UBE2E2: variants seen among roughly 807,000 people sequenced by gnomAD.
UBE2E2 encodes the protein ubiquitin-conjugating enzyme E2 E2.
In UBE2E2, 6 loss-of-function variants were observed where a neutral mutation model predicts 24.7. The observed-to-expected ratio is 0.24, with a 90% CI of 0.13 to 0.48. The LOEUF (loss-of-function observed/expected upper bound fraction) is 0.48, where lower values mean the gene tolerates loss of function less well. Among genes scored for constraint, UBE2E2 ranks in the 20% least tolerant of loss-of-function variants. The probability of loss-of-function intolerance (pLI) is 0.99; values close to 1 mark genes in which losing one functional copy is unlikely to be tolerated. For synonymous variants in UBE2E2, 104 were observed against 83.6 expected, an observed-to-expected ratio of 1.24 and a Z score of -1.33; for missense variants, 169 against 245.0, an observed-to-expected ratio of 0.69 and a Z score of 2.07.
chr3:23,451,847 G>GA (rs573846291), intron 3 of UBE2E2, among the ~76,000 whole-genome samples: 2 of 152,088 alleles, frequency 1.3e-5, no homozygotes, highest in East Asian at 3.9e-4. Context: ...GGCCAAGTTT[G>GA]AAAAAAATAG....
chr3:23,468,464 TTAAAA>T (rs756113788), intron 3 of UBE2E2, among the ~76,000 whole-genome samples: 24 of 152,236 alleles, frequency 1.6e-4, no homozygotes, highest in South Asian at 4.1e-4. Context: ...AGCAGTGGTC[TTAAAA>T]TAAAAGCCCA....
intron 3 of UBE2E2, among the ~76,000 whole-genome samples, chr3:23,231,903 T>C (rs1387924668): frequency 6.6e-6 from 1 of 152,218 alleles, no homozygotes; most frequent in Non-Finnish European, 1.5e-5. Context: ...GGAGCTTCTC[T>C]ACCCATGGAA....
chr3:23,539,049 T>A (rs1032683574), intron 5 of UBE2E2, among the ~76,000 whole-genome samples: 6 of 152,182 alleles, frequency 3.9e-5, no homozygotes, highest in Admixed American at 6.5e-5. Context: ...GATCTTGGAT[T>A]CCCTAGTTGT....
At chr3:23,475,816 A>T (rs1699121018) in intron 3 of UBE2E2, among the ~76,000 whole-genome samples, 1 of 152,082 alleles carries the variant, frequency 6.6e-6, no homozygotes, top group South Asian at 2.1e-4. Flanking sequence ...CAGAACAGGC[A>T]AGAATGCTAG....
chr3:23,353,610 A>G (rs924086162), intron 3 of UBE2E2, among the ~76,000 whole-genome samples: 1 of 152,192 alleles, frequency 6.6e-6, no homozygotes, highest in African/African-American at 2.4e-5. Flanking sequence ...ACAGAGAGCC[A>G]AATCATGAGT....
chr3:23,513,631 C>G (rs1297102462), intron 4 of UBE2E2, among the ~76,000 whole-genome samples: 1 of 152,040 alleles, frequency 6.6e-6, no homozygotes. Context: ...TAGATTCTGC[C>G]CAGATTGCCC....
intron 3 of UBE2E2, among the ~76,000 whole-genome samples, chr3:23,316,919 TG>T (rs1239666002): frequency 1.6e-4 from 24 of 152,096 alleles, no homozygotes; most frequent in African/African-American, 5.8e-4. Flanking sequence ...GGGCCTGGAA[TG>T]GGGACCTCAG....
intron 3 of UBE2E2, among the ~76,000 whole-genome samples, chr3:23,391,435 A>C (rs536429831): frequency 4.1e-4 from 62 of 152,310 alleles, no homozygotes; most frequent in African/African-American, 1.1e-3. Flanking sequence ...TTTGTTGGGC[A>C]TCTACTATAT....
At chr3:23,225,722 AG>A (rs1696800847) in intron 3 of UBE2E2, among the ~76,000 whole-genome samples, 1 of 152,162 alleles carries the variant, frequency 6.6e-6, no homozygotes, top group African/African-American at 2.4e-5. Context: ...TAAATCAGAA[AG>A]TGTAAGTATT....
intron 3 of UBE2E2, among the ~76,000 whole-genome samples, chr3:23,488,136 T>C (rs189567263): frequency 1.3e-5 from 2 of 152,178 alleles, no homozygotes; most frequent in Admixed American, 6.5e-5. Flanking sequence ...GAGTGTCTTG[T>C]AGATATTTAA....
chr3:23,222,866 C>G (rs1696694377), intron 3 of UBE2E2, among the ~76,000 whole-genome samples: 1 of 152,168 alleles, frequency 6.6e-6, no homozygotes, highest in South Asian at 2.1e-4. Context: ...TTCTCCGCAT[C>G]CTTGCCAGCA....
chr3:23,345,033 G>C (rs1424580389), intron 3 of UBE2E2, among the ~76,000 whole-genome samples: 5 of 152,108 alleles, frequency 3.3e-5, no homozygotes, highest in African/African-American at 1.2e-4. Context: ...ATGAGATTCT[G>C]AAAGAGGAGG....
chr3:23,306,206 C>T (rs1559341657), intron 3 of UBE2E2, among the ~76,000 whole-genome samples: 1 of 152,140 alleles, frequency 6.6e-6, no homozygotes. Flanking sequence ...GCTTTGTCTG[C>T]CCAAAGCATT....
chr3:23,354,365 A>C (rs1157182793), intron 3 of UBE2E2, among the ~76,000 whole-genome samples: 1 of 152,212 alleles, frequency 6.6e-6, no homozygotes, highest in Non-Finnish European at 1.5e-5. Flanking sequence ...AGCAATGGCA[A>C]CAAAAGCCAA....
intron 3 of UBE2E2, among the ~76,000 whole-genome samples, chr3:23,446,699 GTTTTTT>G (rs57327621): frequency 8.9e-6 from 1 of 112,230 alleles, no homozygotes; most frequent in African/African-American, 3.7e-5. Context: ...CGTCTGTTTG[GTTTTTT>G]TTTTTTTTTT....
At chr3:23,301,088 C>T (rs558842924) in intron 3 of UBE2E2, among the ~76,000 whole-genome samples, 1 of 152,200 alleles carries the variant, frequency 6.6e-6, no homozygotes, top group Non-Finnish European at 1.5e-5. Context: ...GCTCCTGAGT[C>T]TTCTGCATTT....
chr3:23,289,909 T>G (rs1698715810), intron 3 of UBE2E2, among the ~76,000 whole-genome samples: 1 of 152,186 alleles, frequency 6.6e-6, no homozygotes, highest in South Asian at 2.1e-4. Context: ...GTGATATAAT[T>G]AAAAAATATG....
chr3:23,522,936 C>A (rs1694902616), intron 4 of UBE2E2, among the ~76,000 whole-genome samples: 1 of 151,796 alleles, frequency 6.6e-6, no homozygotes, highest in African/African-American at 2.4e-5. Context: ...TCAAAGATTT[C>A]TGTCTGTACC....
chr3:23,298,522 C>T (rs1335932064), intron 3 of UBE2E2, among the ~76,000 whole-genome samples: 1 of 152,018 alleles, frequency 6.6e-6, no homozygotes, highest in East Asian at 1.9e-4. Flanking sequence ...TGTCAAAGGC[C>T]TTTTCTGCAT....
Sources: gnomAD v4.1 joint callset for allele counts (sites outside exome capture counted in the v4.1 genomes callset) on GRCh38, gnomAD v4.1.1 for gene constraint, MANE v1.5 for transcripts, NCBI Gene and HGNC (gene_info 2026-07-23, HGNC 2026-07-21) for gene names.